The following AK4 variants were observed in gnomAD, a reference collection of about 807,000 sequenced individuals.
The protein encoded by AK4 is adenylate kinase 4, also known as adenylate kinase 4, mitochondrial.
AK4 carries 13 observed loss-of-function variants against 24.6 expected under a neutral mutation model. The observed-to-expected ratio is 0.53, with a 90% CI of 0.34 to 0.84. The LOEUF is 0.84. AK4 is among the 40% of genes least tolerant of loss of function. AK4 has a pLI of 0.01. For missense variants in AK4, 192 were observed against 288.2 expected (o/e 0.67, Z 2.42); for synonymous variants, 88 against 107.0 (o/e 0.82, Z 1.10).
chr1:65,148,611 TGGAG>T (rs1297877166), intron 1 of AK4, 59 bp downstream of exon 1: 4 of 1,504,888 alleles, frequency 2.7e-6, no homozygotes, highest in African/African-American at 2.8e-5. Context: ...GGTGAGGCCC[TGGAG>T]GGACTGGGGC....
chr1:65,191,504 A>G (rs1241832258), intron 2 of AK4, among the ~76,000 whole-genome samples: 1 of 151,404 alleles, frequency 6.6e-6, no homozygotes, highest in Non-Finnish European at 1.5e-5. Flanking sequence ...TGATGAATAG[A>G]TAGATGGTCC....
At chr1:65,196,983 A>T (rs1378150990) in intron 2 of AK4, among the ~76,000 whole-genome samples, 1 of 152,154 alleles carries the variant, frequency 6.6e-6, no homozygotes, top group Non-Finnish European at 1.5e-5. Context: ...CTTGGCAGGG[A>T]AACTCCCATT....
At chr1:65,182,339 T>G (rs1049579066) in intron 1 of AK4, among the ~76,000 whole-genome samples, 1 of 152,108 alleles carries the variant, frequency 6.6e-6, no homozygotes, top group Non-Finnish European at 1.5e-5. Context: ...TTCTGAGTGA[T>G]TGGAGTGGCT....
At chr1:65,160,457 A>G (rs922510484) in intron 1 of AK4, among the ~76,000 whole-genome samples, 3 of 152,224 alleles carry the variant, frequency 2.0e-5, no homozygotes, top group Non-Finnish European at 2.9e-5. Context: ...AAAATTTTCC[A>G]CTAGAGACAG....
chr1:65,211,245 GTAATAT>G (rs75898128), intron 2 of AK4, among the ~76,000 whole-genome samples: 1,615 of 65,326 alleles, frequency 0.025, 18 homozygotes, highest in Middle Eastern at 0.032. Context: ...ACAGTAATAT[GTAATAT>G]GAAGAAAAAA....
intron 2 of AK4, among the ~76,000 whole-genome samples, chr1:65,200,686 A>G (rs1361687009): frequency 2.0e-5 from 3 of 152,122 alleles, no homozygotes; most frequent in East Asian, 1.9e-4. Context: ...ATAATTTTCG[A>G]TAAGTATTTA....
intron 2 of AK4, among the ~76,000 whole-genome samples, chr1:65,216,901 A>G (rs1652149919): frequency 8.1e-6 from 1 of 124,014 alleles, no homozygotes; most frequent in African/African-American, 5.5e-5. Flanking sequence ...GGTTCTCTCT[A>G]CATTGCCCAG....
At chr1:65,202,319 C>T (rs1258404530) in intron 2 of AK4, among the ~76,000 whole-genome samples, 5 of 152,132 alleles carry the variant, frequency 3.3e-5, no homozygotes, top group Non-Finnish European at 7.3e-5. Flanking sequence ...ATAGCACAAA[C>T]CCAGGAGGCA....
At chr1:65,171,843 GGATCACTT>G (rs994417871) in intron 1 of AK4, among the ~76,000 whole-genome samples, 2 of 151,448 alleles carry the variant, frequency 1.3e-5, no homozygotes, top group African/African-American at 4.8e-5. Flanking sequence ...TGAAGTGGGT[GGATCACTT>G]GAGGTCAGGA....
chr1:65,181,956 C>T (rs1281443515), intron 1 of AK4, among the ~76,000 whole-genome samples: 1 of 152,042 alleles, frequency 6.6e-6, no homozygotes, highest in African/African-American at 2.4e-5. Context: ...CTCTCTGTTG[C>T]CCAGGCTGGA....
intron 1 of AK4, among the ~76,000 whole-genome samples, chr1:65,153,753 C>T (rs747736433): frequency 6.6e-6 from 1 of 152,000 alleles, no homozygotes; most frequent in Non-Finnish European, 1.5e-5. Context: ...GAAGGCCTCT[C>T]CAGGAGGTGA....
intron 1 of AK4, among the ~76,000 whole-genome samples, 199 bp downstream of exon 1, chr1:65,148,751 G>A (rs888180397): frequency 1.3e-5 from 2 of 152,108 alleles, no homozygotes; most frequent in Non-Finnish European, 2.9e-5. Flanking sequence ...CTCCAGGGGC[G>A]GCCGGTGGGA....
intron 1 of AK4, among the ~76,000 whole-genome samples, chr1:65,160,190 G>A (rs1650114323): frequency 6.6e-6 from 1 of 152,138 alleles, no homozygotes; most frequent in African/African-American, 2.4e-5. Flanking sequence ...GGGACAGTGT[G>A]TCTTAGTCTG....
chr1:65,186,632 C>T (rs963268030), intron 1 of AK4, among the ~76,000 whole-genome samples: 2 of 152,164 alleles, frequency 1.3e-5, no homozygotes, highest in African/African-American at 2.4e-5. Context: ...ACATTTTGGT[C>T]TTTCACCTTG....
rs139660984 is a variant in AK4, at chr1:65,201,044, G to A, written c.265+10215G>A. On this transcript the variant is annotated intron_variant, in intron 2 of 4. Coordinates refer to ENST00000327299, the MANE Select transcript of AK4 (RefSeq NM_013410.4). Reference sequence around the variant, plus strand: ...CTTGACCTCGTGATCTGCCCACCTCGGCCTCCCAAAGTGCTGGGATTACAG... The same window carrying A: ...CTTGACCTCGTGATCTGCCCACCTCAGCCTCCCAAAGTGCTGGGATTACAG... 5.1e-3 allele frequency among the ~76,000 whole-genome samples: 775 copies of A among 152,088 alleles called. 32 individuals are homozygous for A. The South Asian group carries it at 0.1, about 20-fold the overall frequency.
intron 4 of AK4, among the ~76,000 whole-genome samples, chr1:65,225,662 A>G (rs1035765178): frequency 2.0e-5 from 3 of 152,328 alleles, no homozygotes; most frequent in South Asian, 2.1e-4. Flanking sequence ...AGCAAACCTT[A>G]AGATCAGAGT....
At chr1:65,163,713 C>T (rs1196035550) in intron 1 of AK4, among the ~76,000 whole-genome samples, 1 of 152,184 alleles carries the variant, frequency 6.6e-6, no homozygotes. Flanking sequence ...GAGTAATCCA[C>T]GTAGAGCTGG....
intron 2 of AK4, among the ~76,000 whole-genome samples, chr1:65,204,919 T>G (rs1651769493): frequency 6.6e-6 from 1 of 152,250 alleles, no homozygotes; most frequent in African/African-American, 2.4e-5. Context: ...ATCTCTTGGT[T>G]ATATCTCTGT....
intron 1 of AK4, among the ~76,000 whole-genome samples, chr1:65,174,438 C>T (rs1466778915): frequency 6.6e-6 from 1 of 152,120 alleles, no homozygotes; most frequent in Admixed American, 6.6e-5. Context: ...GACAGATCCT[C>T]GAGTGTCAGG....
Sources: gnomAD v4.1 joint callset for allele counts (sites outside exome capture counted in the v4.1 genomes callset) on GRCh38, gnomAD v4.1.1 for gene constraint, MANE v1.5 for transcripts, NCBI Gene and HGNC (gene_info 2026-07-23, HGNC 2026-07-21) for gene names.